The following NXPH4 variants were observed in gnomAD, a reference collection of about 807,000 sequenced individuals.
NXPH4 encodes the protein neurexophilin 4.
In NXPH4, 8 loss-of-function variants were observed where a neutral mutation model predicts 21.3. That is an observed-to-expected ratio of 0.38 (90% CI 0.22 to 0.68). The LOEUF (loss-of-function observed/expected upper bound fraction) is 0.68, where lower values mean the gene tolerates loss of function less well. NXPH4 is among the 30% of genes least tolerant of loss of function. NXPH4 has a pLI of 0.53. For synonymous variants in NXPH4, 219 were observed against 192.6 expected (o/e 1.14, Z -1.13); for missense variants, 418 against 416.8 (o/e 1.00, Z -0.03).
In NXPH4 at chr12:57,216,850, TC is replaced by T; in HGVS notation, c.-117del. ...CGGGCCGCGCCGCCGCTCCCGCCGC[TC>T]CCGCCGCTCCCGCCGCTCCCGCAGC... On this transcript the variant is annotated 5_prime_UTR_variant, in exon 1 of 2. Transcript: ENST00000349394. The surrounding 1 kb of genome is among the most constrained non-coding windows in gnomAD (Gnocchi z 5.3). 2.4e-6 allele frequency: 1 copy of T among 417,310 alleles called. No homozygotes were observed. The highest frequency in any genetic ancestry group is 3.1e-6 in the Non-Finnish European group (1 of 326,240). 25.9% of individuals were successfully genotyped at this position (417,310 alleles called of 1,614,324 possible).
At chr12:57,217,255 C>T (rs1215337813) in intron 1 of NXPH4, among the ~76,000 whole-genome samples, 1 of 152,186 alleles carries the variant, frequency 6.6e-6, no homozygotes, top group Non-Finnish European at 1.5e-5. Context: ...CCCCTTGCAG[C>T]CGACTTCAGG....
At position 57,225,832 on chromosome 12, in the gene NXPH4, G is replaced by A; in HGVS notation, c.*85G>A. ...CCCTTCCCAGTGTTCTGCCGCTCCT[G>A]TGGCCATGTCGCCCACTCCTTCCAC... On this transcript the variant is annotated 3_prime_UTR_variant, in exon 2 of 2. Transcript: ENST00000349394. 6.5e-7 allele frequency: 1 copy of A among 1,529,172 alleles called. No homozygotes were observed. Among genetic ancestry groups the A allele is most frequent in the Non-Finnish European group, 8.8e-7 (1 of 1,138,714 alleles). The allele number at this position is 1,529,172 out of a possible 1,614,324, so 94.7% of individuals were successfully genotyped here.
Position 57,226,256 on chromosome 12 carries a change from A to G in NXPH4, c.*509A>G. On this transcript the variant is annotated 3_prime_UTR_variant, in exon 2 of 2. Coordinates refer to ENST00000349394, the MANE Select transcript of NXPH4 (RefSeq NM_007224.4). Reference sequence around the variant, plus strand: ...ATATGCCTGTCCCCTTTTCCTCCAAACCCTATTAGGGTACCGGAAGCAGAA... The same window carrying G: ...ATATGCCTGTCCCCTTTTCCTCCAAGCCCTATTAGGGTACCGGAAGCAGAA... 3.2e-6 allele frequency: 1 copy of G among 314,420 alleles called. No individual in the cohort carries two copies. Among genetic ancestry groups the G allele is most frequent in the Non-Finnish European group, 5.8e-6 (1 of 172,276 alleles). The allele number at this position is 314,420 out of a possible 1,614,324, so 19.5% of individuals were successfully genotyped here.
At chr12:57,221,882 C>A (rs1285862594) in intron 1 of NXPH4, among the ~76,000 whole-genome samples, 1 of 152,086 alleles carries the variant, frequency 6.6e-6, no homozygotes, top group Non-Finnish European at 1.5e-5. Context: ...AGACAGACAA[C>A]CTGAAGGACA....
chr12:57,225,370 G>A lies in NXPH4; in HGVS notation c.550G>A (p.Gly184Arg). ...TCTGCAGTCTACGCTCGCCCTGGAGGGGGTGCTTCCTGGGCTGGGGCCCCC... is the reference window on the plus strand; with the variant it reads ...TCTGCAGTCTACGCTCGCCCTGGAGAGGGTGCTTCCTGGGCTGGGGCCCCC... ...HPLQSTLALE[G>R]VLPGLGPPLG... The change falls in exon 2 of 2, where the codon GGG (glycine) becomes AGG (arginine). Residue 184 changes from glycine (G) to arginine (R), a missense_variant. Gly to Arg is a moderately radical substitution (Grantham distance 125, BLOSUM62 -2). Coordinates refer to ENST00000349394, the MANE Select transcript of NXPH4 (RefSeq NM_007224.4). 6.3e-7 allele frequency: 1 copy of A among 1,590,008 alleles called. No individual in the cohort carries two copies. The highest frequency in any genetic ancestry group is 1.3e-5 in the African/African-American group (1 of 74,596).
chr12:57,222,383 G>GCCCAGACTTCT (rs1467068788), intron 1 of NXPH4, among the ~76,000 whole-genome samples: 1 of 151,502 alleles, frequency 6.6e-6, no homozygotes. Flanking sequence ...CCCTGCCCCT[G>GCCCAGACTTCT]TCTGGTAGAA....
Position 57,225,937 on chromosome 12 carries a change from G to C in NXPH4, c.*190G>C, listed in dbSNP as rs925229934. The C allele has an allele frequency of 1.6e-5, 23 of 1,435,848 alleles. No individual in the cohort carries two copies. The African/African-American group carries it at 2.7e-4, about 17-fold the overall frequency. 88.9% of individuals were successfully genotyped at this position (1,435,848 alleles called of 1,614,324 possible). On this transcript the variant is annotated 3_prime_UTR_variant, in exon 2 of 2. Coordinates refer to ENST00000349394, the MANE Select transcript of NXPH4 (RefSeq NM_007224.4). ...TTTCCTTATGCGGAGTGCCCGCAAG[G>C]CTGGGGTAGCCCCCTCCAGTACACC...
chr12:57,217,061 G>A (rs2037046449), intron 1 of NXPH4, 35 bp downstream of exon 1: 1 of 1,567,262 alleles, frequency 6.4e-7, no homozygotes, highest in Non-Finnish European at 8.7e-7. Flanking sequence ...TAGCGCGGGC[G>A]CGGGGTTCCG....
chr12:57,220,141 G>T (rs1484216201), intron 1 of NXPH4, among the ~76,000 whole-genome samples: 1 of 152,186 alleles, frequency 6.6e-6, no homozygotes, highest in Non-Finnish European at 1.5e-5. Flanking sequence ...GGCGCAGGAG[G>T]AGTCGCAGGG....
At chr12:57,222,716 C>T (rs926917412) in intron 1 of NXPH4, among the ~76,000 whole-genome samples, 2 of 152,154 alleles carry the variant, frequency 1.3e-5, no homozygotes, top group Non-Finnish European at 2.9e-5. Flanking sequence ...TGGGACCCCT[C>T]CCTCCACCCT....
At position 57,225,429 on chromosome 12, in the gene NXPH4, G is replaced by T. The variant is rs547925564; in HGVS notation, c.609G>T (p.Gly203=). ...TGGCAGCAGCAGCGGCGGGGCCCGGGCTTGGGGGCTCCCTCGGGGGCGCAC... is the reference window on the plus strand; with the variant it reads ...TGGCAGCAGCAGCGGCGGGGCCCGGTCTTGGGGGCTCCCTCGGGGGCGCAC... ...LGMAAAAAGP[G]LGGSLGGALA... The change falls in exon 2 of 2, where the codon GGG becomes GGT. Residue 203 remains glycine (G), a synonymous_variant. Transcript: ENST00000349394. The T allele has an allele frequency of 1.2e-6, 2 of 1,604,284 alleles. No homozygotes were observed. Among genetic ancestry groups the T allele is most frequent in the Admixed American group, 3.3e-5 (2 of 59,892 alleles).
In NXPH4 at chr12:57,225,135, C is replaced by G. The variant is rs541178578; in HGVS notation, c.315C>G (p.Ile105Met). 1 of 1,554,166 alleles carries G rather than the reference C, an allele frequency of 6.4e-7. No individual in the cohort carries two copies. The highest frequency in any genetic ancestry group is 2.3e-5 in the East Asian group (1 of 43,550). Residue 105 changes from isoleucine (I) to methionine (M), a missense_variant, in exon 2 of 2, where the codon ATC (isoleucine) becomes ATG (methionine). Physicochemically the swap from Ile to Met is conservative, Grantham distance 10 (BLOSUM62 1). Transcript: ENST00000349394. ...PSIKAARAKK[I>M]FGWGDFYFRV... ...TCAAGGCGGCGCGCGCCAAAAAGAT[C>G]TTCGGCTGGGGGGACTTCTACTTTC... is the stretch of plus-strand genomic sequence containing the variant.
chr12:57,225,262 G>A lies in NXPH4; in HGVS notation c.442G>A (p.Gly148Ser), dbSNP rs766655011. 4.9e-5 allele frequency: 76 copies of A among 1,549,242 alleles called. No individual in the cohort carries two copies. The highest frequency in any genetic ancestry group is 6.5e-5 in the Non-Finnish European group (75 of 1,149,002). Residue 148 changes from glycine (G) to serine (S), a missense_variant, in exon 2 of 2, where the codon GGC becomes AGC. By Grantham distance (56) the Gly-to-Ser change is moderately conservative. Coordinates refer to ENST00000349394, the MANE Select transcript of NXPH4 (RefSeq NM_007224.4). Reference sequence around the variant, plus strand: ...TTTCCGCCACAACTCGTCCAGCCTGGGCAACCTCAGTGTCAGCATCGTGCC... The same window carrying A: ...TTTCCGCCACAACTCGTCCAGCCTGAGCAACCTCAGTGTCAGCATCGTGCC... ...VYFRHNSSSL[G>S]NLSVSIVPPS... is the part of the protein sequence containing the mutation.
chr12:57,225,483 A>G lies in NXPH4; in HGVS notation c.663A>G (p.Gly221=). 6.2e-7 allele frequency: 1 copy of G among 1,603,564 alleles called. No homozygotes were observed. The highest frequency in any genetic ancestry group is 8.5e-7 in the Non-Finnish European group (1 of 1,176,354). ...ALAGPLGGAL[G]VPGAKESRAF... ...CGGGGCCGCTTGGGGGCGCGTTGGG[A>G]GTGCCTGGGGCCAAAGAGTCACGCG... The change falls in exon 2 of 2, where the codon GGA becomes GGG. Residue 221 remains glycine, a synonymous_variant. Transcript: ENST00000349394.
At position 57,216,973 on chromosome 12, in the gene NXPH4, C is replaced by G. The variant is rs1289072111; in HGVS notation, c.4C>G (p.Arg2Gly). 4 of 1,598,960 alleles carry G rather than the reference C, an allele frequency of 2.5e-6. No individual in the cohort carries two copies. The highest frequency in any genetic ancestry group is 1.4e-5 in the African/African-American group (1 of 73,986). ...CCCCGCTCAGCCGCCAGAGAAGATGCGGCTGCTCCCGGAATGGTTCCTCTT... is the reference window on the plus strand; with the variant it reads ...CCCCGCTCAGCCGCCAGAGAAGATGGGGCTGCTCCCGGAATGGTTCCTCTT... MRLLPEWFLLLF... is the reference protein window; with the variant it reads MGLLPEWFLLLF... The change falls in exon 1 of 2, where the codon CGG (arginine) becomes GGG (glycine). Residue 2 changes from arginine to glycine, a missense_variant. Physicochemically the swap from Arg to Gly is moderately radical, Grantham distance 125. Coordinates refer to ENST00000349394, the MANE Select transcript of NXPH4 (RefSeq NM_007224.4). The surrounding 1 kb of genome is among the most constrained non-coding windows in gnomAD (Gnocchi z 5.3).
chr12:57,225,108 C>A lies in NXPH4; in HGVS notation c.288C>A (p.Ser96=). 1 of 1,511,744 alleles carries A rather than the reference C, an allele frequency of 6.6e-7. No homozygotes were observed. Among genetic ancestry groups the A allele is most frequent in the South Asian group, 1.3e-5 (1 of 78,940 alleles). 93.6% of individuals were successfully genotyped at this position (1,511,744 alleles called of 1,614,324 possible). A position where few individuals can be genotyped will look rare whatever the true frequency, so the allele number is the denominator to read the frequency against. ...LPAQRTKRKP[S]IKAARAKKIF... ...CGCAGCGCACCAAGAGGAAGCCGTC[C>A]ATCAAGGCGGCGCGCGCCAAAAAGA... The change falls in exon 2 of 2, where the codon TCC becomes TCA. Residue 96 remains serine (S), a synonymous_variant. Coordinates refer to ENST00000349394, the MANE Select transcript of NXPH4 (RefSeq NM_007224.4).
At position 57,217,017 on chromosome 12, in the gene NXPH4, C is replaced by T. The variant is rs1406832616; in HGVS notation, c.48C>T (p.Leu16=). The T allele has an allele frequency of 1.2e-6, 2 of 1,606,722 alleles. No homozygotes were observed. Among genetic ancestry groups the T allele is most frequent in the Non-Finnish European group, 8.5e-7 (1 of 1,177,088 alleles). Residue 16 remains leucine (L), a synonymous_variant, in exon 1 of 2, where the codon CTC becomes CTT. Transcript: ENST00000349394. The part of the protein sequence containing the change: ...EWFLLLFGPW[L]LRKAVSAQIP... The stretch of plus-strand genomic sequence containing the variant: ...TCCTCTTGCTCTTTGGCCCGTGGCT[C>T]CTTAGGAAGGTAAGAGTGGCAGGGC...
chr12:57,225,095 A>G lies in NXPH4; in HGVS notation c.275A>G (p.Lys92Arg), dbSNP rs762039568. 2.7e-6 allele frequency: 4 copies of G among 1,494,270 alleles called. No individual in the cohort carries two copies. The highest frequency in any genetic ancestry group is 4.9e-5 in the East Asian group (2 of 40,770). The allele number at this position is 1,494,270 out of a possible 1,614,324, so 92.6% of individuals were successfully genotyped here. The change falls in exon 2 of 2, where the codon AAG becomes AGG. Residue 92 changes from lysine (K) to arginine (R), a missense_variant. Lys to Arg is a conservative substitution (Grantham distance 26). Transcript: ENST00000349394. ...AAGALPAQRT[K>R]RKPSIKAARA... ...GGGGCGTTGCCCGCGCAGCGCACCA[A>G]GAGGAAGCCGTCCATCAAGGCGGCG...
In NXPH4 at chr12:57,226,004, G is replaced by A; in HGVS notation, c.*257G>A. The A allele has an allele frequency of 7.7e-7, 1 of 1,294,128 alleles. No homozygotes were observed. The highest frequency in any genetic ancestry group is 1.0e-6 in the Non-Finnish European group (1 of 985,562). The allele number at this position is 1,294,128 out of a possible 1,614,324, so 80.2% of individuals were successfully genotyped here. On this transcript the variant is annotated 3_prime_UTR_variant, in exon 2 of 2. Coordinates refer to ENST00000349394, the MANE Select transcript of NXPH4 (RefSeq NM_007224.4). ...AAGAGTGCAGCCCCAGAATAGGCGGGGCTTGGAGGCGGTCCCAATGTCCCC... is the reference window on the plus strand; with the variant it reads ...AAGAGTGCAGCCCCAGAATAGGCGGAGCTTGGAGGCGGTCCCAATGTCCCC...
Sources: gnomAD v4.1 joint callset for allele counts (sites outside exome capture counted in the v4.1 genomes callset) on GRCh38, gnomAD v4.1.1 for gene constraint, Gnocchi (gnomAD v3.1) non-coding constraint, MANE v1.5 for transcripts, NCBI Gene and HGNC (gene_info 2026-07-23, HGNC 2026-07-21) for gene names.